Variants in IPO8 observed in about 807,000 individuals in gnomAD.
IPO8 encodes importin-8.
A neutral mutation model predicts 141.2 loss-of-function variants in IPO8; 65 were observed. That is an observed-to-expected ratio of 0.46 (90% confidence interval 0.38 to 0.57). IPO8 has a LOEUF of 0.57. IPO8 is among the 20% of genes least tolerant of loss of function. IPO8 has a pLI of 0.00. For synonymous variants in IPO8, 411 were observed against 420.3 expected, an observed-to-expected ratio of 0.98 and a Z score of 0.27; for missense variants, 980 against 1,246.8, an observed-to-expected ratio of 0.79 and a Z score of 3.22.
intron 1 of IPO8, among the ~76,000 whole-genome samples, chr12:30,692,684 C>T (rs1405348072): frequency 6.6e-6 from 1 of 152,136 alleles, no homozygotes; most frequent in Non-Finnish European, 1.5e-5. Context: ...CCTTTCTAGT[C>T]CTCCAGCATG....
intron 17 of IPO8, among the ~76,000 whole-genome samples, chr12:30,655,904 C>T (rs543174888): frequency 6.6e-6 from 1 of 152,268 alleles, no homozygotes; most frequent in South Asian, 2.1e-4. Context: ...ACCCACATGA[C>T]GTGGGGCTAG....
rs68104812 is a variant in IPO8 at position 30,679,586 on chromosome 12, GAA to G, written c.639+894_639+895del. ...TCCCTGCAAAAAGGCTGCTCTGGGGGAAAAAAAAAAATATCTGCCTCAGACTA... is the reference window on the plus strand; with the variant it reads ...TCCCTGCAAAAAGGCTGCTCTGGGGGAAAAAAAAATATCTGCCTCAGACTA... On this transcript the variant is annotated intron_variant, in intron 5 of 24. Coordinates refer to ENST00000256079, the MANE Select transcript of IPO8 (RefSeq NM_006390.4). Among the ~76,000 whole-genome samples the G allele has an allele frequency of 1.4e-3, 214 of 149,774 alleles. 4 individuals are homozygous for G. Among genetic ancestry groups the G allele is most frequent in the African/African-American group, 4.8e-3 (197 of 40,970 alleles).
At chr12:30,654,536 C>T (rs887646505) in intron 17 of IPO8, among the ~76,000 whole-genome samples, 2 of 151,662 alleles carry the variant, frequency 1.3e-5, no homozygotes. Context: ...AAGAAAATAA[C>T]CCAACTTAAA....
chr12:30,640,976 T>C (rs2052567307), intron 20 of IPO8, among the ~76,000 whole-genome samples: 1 of 152,226 alleles, frequency 6.6e-6, no homozygotes, highest in Non-Finnish European at 1.5e-5. Context: ...CATACAATTA[T>C]GTCAGCTTAA....
Position 30,632,604 on chromosome 12 carries a change from C to T in IPO8, c.2900-593G>A, listed in dbSNP as rs918837629. On this transcript the variant is annotated intron_variant, in intron 23 of 24. Transcript: ENST00000256079. Reference sequence around the variant, plus strand: ...TGCCCTCTCCACACCCAAAGCTCTGCTTCTTTCTTAATGTCTTTCATCTGT... The same window carrying T: ...TGCCCTCTCCACACCCAAAGCTCTGTTTCTTTCTTAATGTCTTTCATCTGT... Among the ~76,000 whole-genome samples, 3 of 152,212 alleles carry T rather than the reference C, an allele frequency of 2.0e-5. No individual in the cohort carries two copies. The South Asian group carries it at 6.2e-4, about 32-fold the overall frequency.
In IPO8 at chr12:30,663,546, G is replaced by A; in HGVS notation, c.1537C>T (p.Pro513Ser). ...KKSLIEDKEM[P>S]VKVEAALALQ... ...GCAAGGGCAGCTTCAACTTTGACAG[G>A]CATCTCTTTATCTTCAATCAGGCTC... Residue 513 changes from proline (P) to serine (S), a missense_variant, in exon 14 of 25, where the codon CCT becomes TCT. This residue lies in a region of IPO8 where 924 missense variants were observed against 1,153.9 expected (regional missense o/e 0.80). Transcript: ENST00000256079. The A allele has an allele frequency of 6.2e-7, 1 of 1,613,570 alleles. No homozygotes were observed.
Position 30,673,967 on chromosome 12 carries a change from T to C in IPO8, c.909+23A>G, listed in dbSNP as rs1274599147. 3 of 1,463,510 alleles carry C rather than the reference T, an allele frequency of 2.0e-6. 1 individual carries two copies. The highest frequency in any genetic ancestry group is 2.6e-5 in the South Asian group (2 of 78,216). The allele number at this position is 1,463,510 out of a possible 1,614,324, so 90.7% of individuals were successfully genotyped here. A position where few individuals can be genotyped will look rare whatever the true frequency, so the allele number is the denominator to read the frequency against. The stretch of plus-strand genomic sequence containing the variant: ...ACTTTCAGTAGTAACCATTATTCTA[T>C]TTTAAAAGCATAAGTTTATTACCTG... On this transcript the variant is annotated intron_variant, in intron 8 of 24. Coordinates refer to ENST00000256079, the MANE Select transcript of IPO8 (RefSeq NM_006390.4).
chr12:30,648,562 A>G (rs563281175), intron 20 of IPO8, among the ~76,000 whole-genome samples: 1 of 152,344 alleles, frequency 6.6e-6, no homozygotes, highest in South Asian at 2.1e-4. Context: ...ATTAGATCTC[A>G]AAACTATTAT....
intron 4 of IPO8, 130 bp from the exon 5 acceptor site, chr12:30,680,768 G>A (rs1252183553): frequency 2.9e-6 from 2 of 678,972 alleles, no homozygotes; most frequent in Admixed American, 3.5e-5. Flanking sequence ...CTTCTAGTTT[G>A]TTTGAATTGC....
At chr12:30,665,958 A>G in intron 11 of IPO8, 113 bp from the exon 12 acceptor site, 1 of 711,182 alleles carries the variant, frequency 1.4e-6, no homozygotes, top group Non-Finnish European at 2.3e-6. Flanking sequence ...TGTTTTATCA[A>G]GCAACTATAA....
chr12:30,647,798 TAGAC>T (rs2052670208), intron 20 of IPO8, among the ~76,000 whole-genome samples: 2 of 151,836 alleles, frequency 1.3e-5, no homozygotes, highest in Non-Finnish European at 2.9e-5. Flanking sequence ...ACTCAATAAA[TAGAC>T]AAATAATTAC....
At chr12:30,650,917 C>G (rs1234809285) in intron 19 of IPO8, among the ~76,000 whole-genome samples, 1 of 151,842 alleles carries the variant, frequency 6.6e-6, no homozygotes, top group East Asian at 1.9e-4. Context: ...CTCATACTGT[C>G]ATAAAGGTTA....
At chr12:30,653,442 G>A (rs542936844) in intron 17 of IPO8, among the ~76,000 whole-genome samples, 5 of 151,816 alleles carry the variant, frequency 3.3e-5, no homozygotes, top group African/African-American at 4.8e-5. Context: ...CATTTATGTC[G>A]AGGATTTAAA....
chr12:30,666,360 T>A, intron 10 of IPO8, 109 bp from the exon 11 acceptor site: 1 of 643,474 alleles, frequency 1.6e-6, no homozygotes. Context: ...ACCATCCACA[T>A]ATGACACTGC....
chr12:30,651,478 C>T (rs1317294574), intron 19 of IPO8, among the ~76,000 whole-genome samples: 2 of 152,170 alleles, frequency 1.3e-5, no homozygotes, highest in East Asian at 1.9e-4. Context: ...CCCAGCTCTA[C>T]GGCCAAACGT....
At chr12:30,666,714 T>C (rs964367571) in intron 10 of IPO8, among the ~76,000 whole-genome samples, 8 of 152,026 alleles carry the variant, frequency 5.3e-5, no homozygotes, top group Admixed American at 2.6e-4. Flanking sequence ...AAATGTAAAA[T>C]AGGGTAAAGA....
intron 1 of IPO8, among the ~76,000 whole-genome samples, chr12:30,693,375 T>A (rs1156847127): frequency 6.6e-6 from 1 of 152,206 alleles, no homozygotes; most frequent in Non-Finnish European, 1.5e-5. Context: ...GAAAAAAATA[T>A]ATAGCTCCAA....
At chr12:30,639,202 C>T (rs1243440934) in intron 21 of IPO8, among the ~76,000 whole-genome samples, 2 of 152,074 alleles carry the variant, frequency 1.3e-5, no homozygotes, top group African/African-American at 2.4e-5. Flanking sequence ...CCCACTGACA[C>T]TTAATCATGG....
intron 16 of IPO8, 25 bp from the exon 17 acceptor site, chr12:30,656,775 G>C (rs2052806704): frequency 8.6e-7 from 1 of 1,161,552 alleles, no homozygotes; most frequent in South Asian, 1.7e-5. Context: ...TAAATATTAA[G>C]CTTAAAATTA....
Sources: allele counts gnomAD v4.1 joint callset (sites outside exome capture counted in the v4.1 genomes callset), GRCh38; gene constraint gnomAD v4.1.1; regional missense constraint gnomAD v4.1.1; transcripts MANE v1.5; gene names NCBI Gene and HGNC (gene_info 2026-07-23, HGNC 2026-07-21).